CDH2: variants seen among roughly 807,000 people sequenced by gnomAD.
The protein encoded by CDH2 is cadherin-2.
In CDH2, 17 loss-of-function variants were observed where a neutral mutation model predicts 92.0. The ratio of observed to expected loss-of-function variants is 0.18; its 90% CI spans 0.13 to 0.28. CDH2 has a LOEUF of 0.28. CDH2 is among the 10% of genes least tolerant of loss of function. The pLI, the probability that CDH2 is intolerant of heterozygous loss-of-function variation, is 1.00. For synonymous variants in CDH2, 419 were observed against 415.9 expected, an observed-to-expected ratio of 1.01 and a Z score of -0.09; for missense variants, 862 against 1,133.1, an observed-to-expected ratio of 0.76 and a Z score of 3.44.
chr18:28,173,937 C>G lies in CDH2; in HGVS notation c.60+3026G>C, dbSNP rs1030247138. On this transcript the variant is annotated intron_variant, in intron 1 of 15. Transcript: ENST00000269141. ...ACTTTTATCAGGTAAGCTGAATGCT[C>G]AAATTCGGATTTTTTAATATAAAAA... Among the ~76,000 whole-genome samples, 6 of 152,172 alleles carry G rather than the reference C, an allele frequency of 3.9e-5. No individual in the cohort carries two copies. In the East Asian group the frequency reaches 1.2e-3, roughly 29 times the overall value.
At chr18:28,108,795 GA>G (rs1366418822) in intron 2 of CDH2, among the ~76,000 whole-genome samples, 1 of 148,324 alleles carries the variant, frequency 6.7e-6, no homozygotes, top group East Asian at 2.0e-4. Flanking sequence ...AAAAAAGACA[GA>G]AACAGCTTTC....
chr18:27,983,112 A>T (rs1356500603), intron 13 of CDH2, 29 bp from the exon 14 acceptor site: 1 of 1,572,930 alleles, frequency 6.4e-7, no homozygotes. Context: ...AAAATACATA[A>T]TATTGTCATT....
At chr18:28,004,586 T>C (rs1184877722) in intron 6 of CDH2, among the ~76,000 whole-genome samples, 1 of 152,194 alleles carries the variant, frequency 6.6e-6, no homozygotes, top group Non-Finnish European at 1.5e-5. Flanking sequence ...TGTGAAACTA[T>C]TCTTGTAAAG....
At chr18:28,078,582 G>A (rs1808940) in intron 2 of CDH2, among the ~76,000 whole-genome samples, 24,679 of 151,874 alleles carry the variant, frequency 0.16, 2,313 homozygotes, top group East Asian at 0.3. Context: ...GACCTTGCCT[G>A]CCTGCCTCAA....
At chr18:28,012,642 T>C (rs2013134155) in intron 3 of CDH2, among the ~76,000 whole-genome samples, 1 of 152,158 alleles carries the variant, frequency 6.6e-6, no homozygotes, top group Non-Finnish European at 1.5e-5. Flanking sequence ...TCCAAGCTAG[T>C]TTGCTGGAAC....
intron 6 of CDH2, among the ~76,000 whole-genome samples, chr18:27,936,210 A>T (rs930884277): frequency 6.6e-6 from 1 of 152,234 alleles, no homozygotes; most frequent in African/African-American, 2.4e-5. Context: ...TTTACATTCT[A>T]CAAAGGTCTT....
chr18:28,171,225 T>TAAA (rs56171991), intron 1 of CDH2, among the ~76,000 whole-genome samples: 1 of 130,412 alleles, frequency 7.7e-6, no homozygotes, highest in African/African-American at 2.9e-5. Context: ...AGACTGTCTT[T>TAAA]AAAAAAAAAA....
chr18:28,024,783 A>C (rs1296048478), intron 2 of CDH2, among the ~76,000 whole-genome samples: 21 of 151,956 alleles, frequency 1.4e-4, no homozygotes. Context: ...ATTCTAAAAC[A>C]CACAAAATTA....
At position 28,148,095 on chromosome 18, in the gene CDH2, T is replaced by C. The variant is rs1436453528; in HGVS notation, c.61-311A>G. 2.0e-5 allele frequency among the ~76,000 whole-genome samples: 3 copies of C among 152,032 alleles called. No homozygotes were observed. The East Asian group carries it at 5.8e-4, about 29-fold the overall frequency. On this transcript the variant is annotated intron_variant, in intron 1 of 15. Coordinates refer to ENST00000269141, the MANE Select transcript of CDH2 (RefSeq NM_001792.5). ...GAAGAACTACCAAGTGGGCGTGGGGTTTGGGGGACAGCCAAATAGTCTTTG... is the reference window on the plus strand; with the variant it reads ...GAAGAACTACCAAGTGGGCGTGGGGCTTGGGGGACAGCCAAATAGTCTTTG...
At chr18:27,982,464 T>C (rs1221049961) in intron 14 of CDH2, among the ~76,000 whole-genome samples, 43 of 152,318 alleles carry the variant, frequency 2.8e-4, no homozygotes, top group African/African-American at 9.9e-4. Context: ...CACAAGAATG[T>C]AAGACTCTTA....
At chr18:28,042,249 C>T (rs1438045162) in intron 2 of CDH2, among the ~76,000 whole-genome samples, 3 of 152,128 alleles carry the variant, frequency 2.0e-5, no homozygotes, top group Middle Eastern at 3.4e-3. Flanking sequence ...TTTTAAAATA[C>T]CCAATAAGAT....
At chr18:28,147,009 G>A (rs1488695570) in intron 2 of CDH2, among the ~76,000 whole-genome samples, 1 of 151,988 alleles carries the variant, frequency 6.6e-6, no homozygotes, top group African/African-American at 2.4e-5. Flanking sequence ...TGATACTTAG[G>A]TTTTATTTCA....
rs145887483 is a variant in CDH2, at chr18:28,155,663, T to C, written c.61-7879A>G. On this transcript the variant is annotated intron_variant, in intron 1 of 15. Transcript: ENST00000269141. ...GTCTTCCAAACGACATAAGCGAACA[T>C]AAACAGTTAATGAAGACACTGTTAA... 1.3e-4 allele frequency among the ~76,000 whole-genome samples: 20 copies of C among 152,320 alleles called. No individual in the cohort carries two copies. The East Asian group carries it at 3.9e-3, about 29-fold the overall frequency.
chr18:28,101,591 AT>A (rs2015227781), intron 2 of CDH2, among the ~76,000 whole-genome samples: 1 of 152,156 alleles, frequency 6.6e-6, no homozygotes, highest in South Asian at 2.1e-4. Flanking sequence ...CACCAAGCTT[AT>A]TTCATACCTA....
In CDH2 at chr18:28,009,739, C is replaced by T. The variant is rs769462371; in HGVS notation, c.680G>A (p.Arg227His). 33 of 1,613,650 alleles carry T rather than the reference C, an allele frequency of 2.0e-5. No homozygotes were observed. The highest frequency in any genetic ancestry group is 1.1e-4 in the South Asian group (10 of 91,006). The change falls in exon 5 of 16, where the codon CGC (arginine) becomes CAC (histidine). Residue 227 changes from arginine (R) to histidine (H), a missense_variant. Arg to His is a conservative substitution (Grantham distance 29). Transcript: ENST00000269141. ...GQLSVTKPLD[R>H]EQIARFHLRA... ...TACATGAAACCGGGCTATCTGCTCG[C>T]GATCCAGGGGCTTTGTCACCGACAG...
At chr18:28,147,255 T>C (rs2016049845) in intron 2 of CDH2, among the ~76,000 whole-genome samples, 1 of 152,076 alleles carries the variant, frequency 6.6e-6, no homozygotes, top group African/African-American at 2.4e-5. Context: ...AAGCTTCACG[T>C]TTTATCTAAT....
intron 1 of CDH2, among the ~76,000 whole-genome samples, chr18:28,176,178 G>C (rs914158763): frequency 6.6e-6 from 1 of 152,160 alleles, no homozygotes; most frequent in African/African-American, 2.4e-5. Flanking sequence ...AGTACGGAAG[G>C]CTCCAGGCAA....
At chr18:27,993,015 G>A (rs1158394249) in intron 8 of CDH2, among the ~76,000 whole-genome samples, 175 bp from the exon 9 acceptor site, 2 of 152,064 alleles carry the variant, frequency 1.3e-5, no homozygotes, top group Non-Finnish European at 2.9e-5. Context: ...TAAAAATACT[G>A]TAACATTTTT....
downstream of CDH2, among the ~76,000 whole-genome samples, chr18:27,947,071 C>T (rs1339219663): frequency 1.3e-5 from 2 of 149,220 alleles, no homozygotes; most frequent in Admixed American, 6.6e-5. Context: ...ACTAATGGTA[C>T]AGAAAAAAAA....
Sources: allele counts gnomAD v4.1 joint callset (sites outside exome capture counted in the v4.1 genomes callset), GRCh38; gene constraint gnomAD v4.1.1; transcripts MANE v1.5; gene names NCBI Gene and HGNC (gene_info 2026-07-23, HGNC 2026-07-21).